The following NTNG1 variants were observed in gnomAD, a reference collection of about 807,000 sequenced individuals.
NTNG1 encodes netrin G1.
A neutral mutation model predicts 54.0 loss-of-function variants in NTNG1; 16 were observed. That is an observed-to-expected ratio of 0.30 (90% CI 0.20 to 0.45). The LOEUF is 0.45. NTNG1 is among the 20% of genes least tolerant of loss of function. The pLI is 1.00. For synonymous variants in NTNG1, 255 were observed against 263.1 expected (o/e 0.97, Z 0.30); for missense variants, 530 against 678.7 (o/e 0.78, Z 2.43).
At chr1:107,225,651 T>C (rs1223647994) in intron 2 of NTNG1, among the ~76,000 whole-genome samples, 3 of 152,166 alleles carry the variant, frequency 2.0e-5, no homozygotes, top group Admixed American at 2.0e-4. Flanking sequence ...ATGAGATAAA[T>C]AATCAGTACA....
At chr1:107,182,749 G>A (rs750488481) in intron 2 of NTNG1, among the ~76,000 whole-genome samples, 5 of 152,100 alleles carry the variant, frequency 3.3e-5, no homozygotes, top group Non-Finnish European at 4.4e-5. Flanking sequence ...CATTCACAAA[G>A]GGAAAGCAGG....
At chr1:107,393,405 C>A (rs1672484874) in intron 3 of NTNG1, among the ~76,000 whole-genome samples, 1 of 152,028 alleles carries the variant, frequency 6.6e-6, no homozygotes, top group African/African-American at 2.4e-5. Flanking sequence ...ACAAGTAATT[C>A]CCTGCATATA....
In NTNG1 at chr1:107,281,213, T is replaced by G. The variant is rs189593205; in HGVS notation, c.247-43069T>G. Among the ~76,000 whole-genome samples, 445 of 152,228 alleles carry G rather than the reference T, an allele frequency of 2.9e-3. 4 individuals are homozygous for G. The highest frequency in any genetic ancestry group is 9.9e-3 in the African/African-American group (411 of 41,538). On this transcript the variant is annotated intron_variant, in intron 2 of 7. Coordinates refer to ENST00000370068, the MANE Select transcript of NTNG1 (RefSeq NM_001113226.3). ...TTGTTGTTATATGTCTATTCCTCTT[T>G]GTACTTCCACACAATTATGTACATA...
At chr1:107,393,029 T>C (rs528682181) in intron 3 of NTNG1, among the ~76,000 whole-genome samples, 1 of 152,334 alleles carries the variant, frequency 6.6e-6, no homozygotes, top group African/African-American at 2.4e-5. Flanking sequence ...CATTCATCTA[T>C]TCTCCTTTTA....
intron 3 of NTNG1, among the ~76,000 whole-genome samples, chr1:107,362,110 A>G (rs1413943140): frequency 1.3e-5 from 2 of 152,048 alleles, no homozygotes; most frequent in African/African-American, 4.8e-5. Flanking sequence ...TCCAAAGAGC[A>G]CCCATCCCTG....
chr1:107,179,541 G>A (rs1327924109), intron 2 of NTNG1, among the ~76,000 whole-genome samples: 1 of 151,450 alleles, frequency 6.6e-6, no homozygotes, highest in Non-Finnish European at 1.5e-5. Flanking sequence ...TTTCATTTTT[G>A]TTATATGAAT....
At chr1:107,213,516 A>G (rs1459877344) in intron 2 of NTNG1, among the ~76,000 whole-genome samples, 2 of 152,020 alleles carry the variant, frequency 1.3e-5, no homozygotes, top group Admixed American at 6.6e-5. Context: ...CTAGGTACCT[A>G]CTAAGCTCCC....
chr1:107,479,463 G>A (rs1344567137), intron 7 of NTNG1, among the ~76,000 whole-genome samples: 4 of 149,678 alleles, frequency 2.7e-5, no homozygotes, highest in African/African-American at 5.0e-5. Flanking sequence ...GCATCCCTGG[G>A]GAAATTTCAC....
chr1:107,174,805 T>C (rs1656516648), intron 2 of NTNG1, among the ~76,000 whole-genome samples: 1 of 152,188 alleles, frequency 6.6e-6, no homozygotes, highest in Admixed American at 6.6e-5. Context: ...ATTTATCTTA[T>C]AAATTCAAGG....
At chr1:107,406,746 G>GTGATTTAAC (rs1473623070) in intron 4 of NTNG1, among the ~76,000 whole-genome samples, 4 of 152,132 alleles carry the variant, frequency 2.6e-5, no homozygotes, top group Non-Finnish European at 5.9e-5. Flanking sequence ...AATACTCTGA[G>GTGATTTAAC]TGATTTACAT....
At chr1:107,287,623 TA>T (rs1382099528) in intron 2 of NTNG1, among the ~76,000 whole-genome samples, 1 of 152,070 alleles carries the variant, frequency 6.6e-6, no homozygotes, top group Non-Finnish European at 1.5e-5. Context: ...GGGTTGATGG[TA>T]GGGGAAAAGG....
chr1:107,364,234 C>T (rs771135769), intron 3 of NTNG1, among the ~76,000 whole-genome samples: 1 of 151,986 alleles, frequency 6.6e-6, no homozygotes, highest in African/African-American at 2.4e-5. Flanking sequence ...ATTTTGTATT[C>T]GGAATTTTAA....
chr1:107,393,874 G>A (rs982014783), intron 3 of NTNG1, among the ~76,000 whole-genome samples: 1 of 152,058 alleles, frequency 6.6e-6, no homozygotes, highest in Non-Finnish European at 1.5e-5. Context: ...CTAAGAAAGA[G>A]CATTCTGTTC....
intron 2 of NTNG1, among the ~76,000 whole-genome samples, chr1:107,187,395 A>T (rs537386664): frequency 1.7e-4 from 26 of 152,204 alleles, no homozygotes; most frequent in African/African-American, 6.3e-4. Flanking sequence ...AAATTTCCAT[A>T]CTCTTACCAC....
intron 5 of NTNG1, among the ~76,000 whole-genome samples, chr1:107,419,966 A>G (rs974463428): frequency 6.6e-6 from 1 of 152,048 alleles, no homozygotes; most frequent in Non-Finnish European, 1.5e-5. Flanking sequence ...CCCTATTAGT[A>G]TAATTCTAGG....
chr1:107,322,277 T>C (rs759871773), intron 2 of NTNG1, among the ~76,000 whole-genome samples: 11 of 152,080 alleles, frequency 7.2e-5, no homozygotes, highest in African/African-American at 2.7e-4. Flanking sequence ...ATAACTCACT[T>C]TGGTGGATCC....
chr1:107,370,525 C>T (rs1384815639), intron 3 of NTNG1, among the ~76,000 whole-genome samples: 3 of 151,870 alleles, frequency 2.0e-5, no homozygotes, highest in Non-Finnish European at 2.9e-5. Flanking sequence ...ATACTTTCCA[C>T]CGAGTCCCCA....
intron 2 of NTNG1, among the ~76,000 whole-genome samples, chr1:107,227,175 AT>A (rs1660744306): frequency 6.6e-6 from 1 of 152,012 alleles, no homozygotes; most frequent in Non-Finnish European, 1.5e-5. Flanking sequence ...ACGTTTCCTC[AT>A]CTGTAAAGTG....
At chr1:107,330,743 T>C (rs1668226672) in intron 3 of NTNG1, 1 of 152,080 alleles carries the variant, frequency 6.6e-6, no homozygotes, top group African/African-American at 2.4e-5. Context: ...CAAATATAGG[T>C]TTGAGAATTA....
Sources: allele counts gnomAD v4.1 joint callset (sites outside exome capture counted in the v4.1 genomes callset), GRCh38; gene constraint gnomAD v4.1.1; transcripts MANE v1.5; gene names NCBI Gene and HGNC (gene_info 2026-07-23, HGNC 2026-07-21).